Variants in UBXN2A observed in about 807,000 individuals in gnomAD.
The protein encoded by UBXN2A is UBX domain protein 2A, also known as UBX domain-containing protein 2A.
Under a neutral mutation model 28.4 loss-of-function variants are expected in UBXN2A, and 28 were observed. The observed-to-expected ratio is 0.99, with a 90% CI of 0.73 to 1.35. The LOEUF is 1.35. Ranked by LOEUF, UBXN2A falls within the 40% of genes most tolerant of loss-of-function variation. The pLI is 0.00. For synonymous variants in UBXN2A, 97 were observed against 103.6 expected (o/e 0.94, Z 0.39); for missense variants, 253 against 297.9 (o/e 0.85, Z 1.11).
rs370021911 is a variant in UBXN2A, at chr2:23,982,957, G to C, written c.349G>C (p.Asp117His). 6.2e-7 allele frequency: 1 copy of C among 1,611,354 alleles called. No individual in the cohort carries two copies. Among genetic ancestry groups the C allele is most frequent in the African/African-American group, 1.3e-5 (1 of 74,870 alleles). Reference protein sequence around the residue: ...DKEEVDVKVEDKKNEICLSTK... With the variant: ...DKEEVDVKVEHKKNEICLSTK... ...AGAAGAGGTGGACGTTAAAGTTGAA[G>C]ACAAGAAAAATGAAATATGTTTGTC... The change falls in exon 5 of 7, where the codon GAC becomes CAC. Residue 117 changes from aspartate to histidine, a missense_variant. Asp to His is a moderately conservative substitution (Grantham distance 81, BLOSUM62 -1). Coordinates refer to ENST00000309033, the MANE Select transcript of UBXN2A (RefSeq NM_181713.4).
At chr2:23,983,332 C>T (rs1028715178) in intron 5 of UBXN2A, among the ~76,000 whole-genome samples, 1 of 151,970 alleles carries the variant, frequency 6.6e-6, no homozygotes, top group African/African-American at 2.4e-5. Context: ...ATGGAGAAAC[C>T]CCGTCTCTAC....
intron 5 of UBXN2A, 38 bp downstream of exon 5, chr2:23,983,071 G>C: frequency 6.6e-7 from 1 of 1,518,042 alleles, no homozygotes. Flanking sequence ...ATAGATCAAG[G>C]CTTAACTAAT....
chr2:23,941,950 G>A (rs1573529802), intron 1 of UBXN2A, among the ~76,000 whole-genome samples: 1 of 152,216 alleles, frequency 6.6e-6, no homozygotes. Flanking sequence ...GATGGGGGGC[G>A]TCTGTAATCC....
intron 1 of UBXN2A, among the ~76,000 whole-genome samples, chr2:23,943,187 C>A (rs1049097320): frequency 6.6e-6 from 1 of 151,766 alleles, no homozygotes; most frequent in African/African-American, 2.4e-5. Context: ...GAACTCCAGA[C>A]CTTCTGATCT....
At chr2:23,981,885 C>T (rs1707924423) in intron 4 of UBXN2A, among the ~76,000 whole-genome samples, 1 of 152,028 alleles carries the variant, frequency 6.6e-6, no homozygotes, top group Non-Finnish European at 1.5e-5. Flanking sequence ...GAGACCCTGT[C>T]CCAAAAACAA....
chr2:23,981,027 T>A (rs1436031150), intron 4 of UBXN2A, among the ~76,000 whole-genome samples: 1 of 152,214 alleles, frequency 6.6e-6, no homozygotes, highest in East Asian at 1.9e-4. Context: ...GATTTGCGAA[T>A]ATTTTCTCTC....
chr2:23,965,392 C>T (rs998750021), intron 2 of UBXN2A, among the ~76,000 whole-genome samples: 2 of 152,158 alleles, frequency 1.3e-5, no homozygotes, highest in Admixed American at 1.3e-4. Flanking sequence ...AGTTCCCTTT[C>T]TCTTCCTAGT....
upstream of UBXN2A, among the ~76,000 whole-genome samples, chr2:23,939,136 C>T (rs1201713443): frequency 6.6e-6 from 1 of 151,820 alleles, no homozygotes; most frequent in Non-Finnish European, 1.5e-5. Context: ...AGACTTTATT[C>T]GGAAAGGATT....
chr2:23,930,670 G>A (rs1272225363), intron 1 of UBXN2A, among the ~76,000 whole-genome samples: 2 of 152,060 alleles, frequency 1.3e-5, no homozygotes, highest in African/African-American at 2.4e-5. Context: ...ACCAGCCTGC[G>A]CTGGTCACAT....
At chr2:23,936,697 C>A (rs1279199842), upstream of UBXN2A, among the ~76,000 whole-genome samples, 1 of 152,098 alleles carries the variant, frequency 6.6e-6, no homozygotes, top group Admixed American at 6.6e-5. Context: ...AAATTAGGAA[C>A]AAGACAAAGA....
chr2:23,972,223 T>C (rs1398693166), intron 3 of UBXN2A, among the ~76,000 whole-genome samples: 1 of 152,222 alleles, frequency 6.6e-6, no homozygotes, highest in Non-Finnish European at 1.5e-5. Context: ...CAAACTGTGC[T>C]AGCAGTTACT....
intron 1 of UBXN2A, among the ~76,000 whole-genome samples, chr2:23,934,712 TAGAAAA>T (rs1346034328): frequency 6.6e-6 from 1 of 152,054 alleles, no homozygotes; most frequent in African/African-American, 2.4e-5. Context: ...AGAAAGAAAT[TAGAAAA>T]AGAGCAAACT....
chr2:23,948,485 T>TC (rs1706204369), intron 1 of UBXN2A, among the ~76,000 whole-genome samples: 1 of 151,992 alleles, frequency 6.6e-6, no homozygotes, highest in African/African-American at 2.4e-5. Flanking sequence ...ACTCCTGATC[T>TC]CAGGCGATCT....
chr2:23,992,160 T>G (rs908003726), intron 6 of UBXN2A, among the ~76,000 whole-genome samples: 1 of 151,900 alleles, frequency 6.6e-6, no homozygotes, highest in Non-Finnish European at 1.5e-5. Flanking sequence ...TTAGTAGAGA[T>G]GGGGTTTCAC....
At chr2:23,946,887 AT>A (rs34433205) in intron 1 of UBXN2A, among the ~76,000 whole-genome samples, 34,037 of 131,530 alleles carry the variant, frequency 0.26, 3,330 homozygotes, top group Middle Eastern at 0.31. Context: ...CAATTTATTA[AT>A]TTTTTTTTTT....
At chr2:23,977,591 A>C (rs1707725716) in intron 4 of UBXN2A, among the ~76,000 whole-genome samples, 1 of 149,574 alleles carries the variant, frequency 6.7e-6, no homozygotes, top group South Asian at 2.1e-4. Context: ...CAGTGGGCCA[A>C]GATTGCACCA....
At chr2:23,964,954 G>A (rs1427938123) in intron 2 of UBXN2A, among the ~76,000 whole-genome samples, 2 of 152,104 alleles carry the variant, frequency 1.3e-5, no homozygotes, top group African/African-American at 2.4e-5. Flanking sequence ...GACTGGCCTG[G>A]GGCATATGGT....
intron 1 of UBXN2A, among the ~76,000 whole-genome samples, chr2:23,947,733 A>G (rs1218306739): frequency 1.3e-5 from 2 of 152,184 alleles, no homozygotes; most frequent in African/African-American, 4.8e-5. Flanking sequence ...TTTCCTTATT[A>G]GTCCATAAAA....
intron 1 of UBXN2A, among the ~76,000 whole-genome samples, chr2:23,946,055 C>T (rs1237524317): frequency 2.0e-5 from 3 of 152,202 alleles, no homozygotes; most frequent in Admixed American, 1.3e-4. Flanking sequence ...TGGTCTCAAA[C>T]TCCTGGCCTC....
Sources: allele counts gnomAD v4.1 joint callset (sites outside exome capture counted in the v4.1 genomes callset), GRCh38; gene constraint gnomAD v4.1.1; transcripts MANE v1.5; gene names NCBI Gene and HGNC (gene_info 2026-07-23, HGNC 2026-07-21).